MAN2A1: variants seen among roughly 807,000 people sequenced by gnomAD.
The protein encoded by MAN2A1 is alpha-mannosidase 2.
MAN2A1 carries 76 observed loss-of-function variants against 142.6 expected under a neutral mutation model. The ratio of observed to expected loss-of-function variants is 0.53; its 90% CI spans 0.44 to 0.65. MAN2A1 has a LOEUF of 0.65. Ranked by LOEUF, MAN2A1 falls within the 30% of genes least tolerant of loss-of-function variation. The pLI is 0.00. For synonymous variants in MAN2A1, 559 were observed against 473.2 expected (o/e 1.18, Z -2.35); for missense variants, 1,311 against 1,365.1 (o/e 0.96, Z 0.62).
intron 9 of MAN2A1, among the ~76,000 whole-genome samples, chr5:109,782,016 C>T (rs375988928): frequency 6.3e-4 from 96 of 152,206 alleles, no homozygotes; most frequent in African/African-American, 2.1e-3. Context: ...AGCAGCCAAA[C>T]GTGAGCTTCA....
intron 1 of MAN2A1, among the ~76,000 whole-genome samples, chr5:109,693,010 AC>A (rs1051783895): frequency 1.3e-5 from 2 of 151,994 alleles, no homozygotes; most frequent in African/African-American, 2.4e-5. Flanking sequence ...CTGCTATGCC[AC>A]TCACCTCCTG....
chr5:109,770,506 C>A lies in MAN2A1; in HGVS notation c.1161C>A (p.Pro387=). 1 of 1,613,828 alleles carries A rather than the reference C, an allele frequency of 6.2e-7. No individual in the cohort carries two copies. The highest frequency in any genetic ancestry group is 2.2e-5 in the East Asian group (1 of 44,846). The change falls in exon 7 of 22, where the codon CCC becomes CCA. Residue 387 remains proline, a synonymous_variant. Transcript: ENST00000261483. ...GGRFGCPWGV[P]PETIHPGNVQ... is the part of the protein sequence containing the mutation. ...GATTTGGTTGTCCCTGGGGAGTCCC[C>A]CCAGAAACAATACATCCTGGAAATG...
chr5:109,784,610 A>G, intron 9 of MAN2A1, 134 bp from the exon 10 acceptor site: 1 of 624,690 alleles, frequency 1.6e-6, no homozygotes, highest in Non-Finnish European at 2.7e-6. Flanking sequence ...AACTATTATT[A>G]CCAATATCTT....
At position 109,704,897 on chromosome 5, in the gene MAN2A1, C is replaced by T. The variant is rs73781628; in HGVS notation, c.136-8623C>T. On this transcript the variant is annotated intron_variant, in intron 1 of 21. Coordinates refer to ENST00000261483, the MANE Select transcript of MAN2A1 (RefSeq NM_002372.4). The stretch of plus-strand genomic sequence containing the variant: ...TTTTCTAGGTAATCCCATTTGTTCC[C>T]ATTGCTTGAAATTCATATTTATTCT... 2.0e-3 allele frequency among the ~76,000 whole-genome samples: 309 copies of T among 152,218 alleles called. 4 individuals carry two copies. Among genetic ancestry groups the T allele is most frequent in the African/African-American group, 7.2e-3 (301 of 41,538 alleles).
At chr5:109,742,619 A>T (rs1158716457) in intron 4 of MAN2A1, among the ~76,000 whole-genome samples, 1 of 152,154 alleles carries the variant, frequency 6.6e-6, no homozygotes, top group Non-Finnish European at 1.5e-5. Context: ...ATCTTCCTAA[A>T]CAGACTAATT....
intron 4 of MAN2A1, among the ~76,000 whole-genome samples, chr5:109,742,500 ATC>A (rs1200987421): frequency 2.6e-5 from 4 of 152,174 alleles, no homozygotes; most frequent in African/African-American, 9.6e-5. Context: ...CTTCTCAACT[ATC>A]TCTGCTTGCT....
intron 1 of MAN2A1, 62 bp from the exon 2 acceptor site, chr5:109,713,458 T>C (rs1219455675): frequency 1.4e-6 from 2 of 1,398,478 alleles, no homozygotes; most frequent in Non-Finnish European, 1.9e-6. Flanking sequence ...AAAAAAAATG[T>C]GTATGCCTCA....
rs552718750 is a variant in MAN2A1, at chr5:109,767,831, T to C, written c.1009+123T>C. 3.3e-5 allele frequency: 24 copies of C among 724,166 alleles called. No homozygotes were observed. In the African/African-American group the frequency reaches 3.7e-4, roughly 11 times the overall value. 44.9% of individuals were successfully genotyped at this position (724,166 alleles called of 1,614,324 possible). A position where few individuals can be genotyped will look rare whatever the true frequency, so the allele number is the denominator to read the frequency against. On this transcript the variant is annotated intron_variant, in intron 6 of 21. Coordinates refer to ENST00000261483, the MANE Select transcript of MAN2A1 (RefSeq NM_002372.4). Reference sequence around the variant, plus strand: ...CTTGAAAAATCAGGTGGCCTAAAGATAGTCACTCTCGTAATTATTTTTCCC... The same window carrying C: ...CTTGAAAAATCAGGTGGCCTAAAGACAGTCACTCTCGTAATTATTTTTCCC...
intron 4 of MAN2A1, among the ~76,000 whole-genome samples, chr5:109,729,996 GA>G (rs1280072503): frequency 6.6e-6 from 1 of 151,914 alleles, no homozygotes; most frequent in Non-Finnish European, 1.5e-5. Context: ...TGCCTTGGGG[GA>G]AAAAAATCCT....
At chr5:109,812,729 A>G (rs1404754580) in intron 12 of MAN2A1, among the ~76,000 whole-genome samples, 1 of 152,192 alleles carries the variant, frequency 6.6e-6, no homozygotes, top group Admixed American at 6.5e-5. Flanking sequence ...TATATAATTT[A>G]TATTTTCGAA....
chr5:109,791,909 CTAACA>C (rs886318866), intron 12 of MAN2A1, among the ~76,000 whole-genome samples: 14 of 152,018 alleles, frequency 9.2e-5, no homozygotes, highest in African/African-American at 3.4e-4. Context: ...AGCAATAAAC[CTAACA>C]TAACTTTGTA....
chr5:109,732,832 A>C (rs1045840322), intron 4 of MAN2A1, among the ~76,000 whole-genome samples: 6 of 151,480 alleles, frequency 4.0e-5, no homozygotes, highest in Admixed American at 2.6e-4. Context: ...CTTAGGATTG[A>C]CTTGGCGATG....
chr5:109,736,014 A>G (rs2112596373), intron 4 of MAN2A1, among the ~76,000 whole-genome samples: 1 of 151,104 alleles, frequency 6.6e-6, no homozygotes, highest in Non-Finnish European at 1.5e-5. Context: ...AGCCACATCC[A>G]CTCTAGGCAT....
chr5:109,805,242 A>T (rs1580270486), intron 12 of MAN2A1, among the ~76,000 whole-genome samples: 1 of 152,192 alleles, frequency 6.6e-6, no homozygotes, highest in Non-Finnish European at 1.5e-5. Flanking sequence ...TTTAATATCA[A>T]AAGTTTTAGA....
At chr5:109,821,133 GA>G (rs1754612101) in intron 15 of MAN2A1, among the ~76,000 whole-genome samples, 1 of 152,118 alleles carries the variant, frequency 6.6e-6, no homozygotes, top group African/African-American at 2.4e-5. Context: ...ACAATCCCAT[GA>G]AAACCATTGC....
At chr5:109,797,313 A>C in intron 12 of MAN2A1, among the ~76,000 whole-genome samples, 1 of 152,224 alleles carries the variant, frequency 6.6e-6, no homozygotes, top group Non-Finnish European at 1.5e-5. Flanking sequence ...AATCTCTGAG[A>C]AATATGAAAC....
chr5:109,706,763 A>G (rs529134591), intron 1 of MAN2A1, among the ~76,000 whole-genome samples: 1 of 152,230 alleles, frequency 6.6e-6, no homozygotes, highest in Admixed American at 6.5e-5. Flanking sequence ...AAAAAAAAAC[A>G]TAAATGAAAG....
chr5:109,817,735 A>G (rs1161617089), intron 13 of MAN2A1, among the ~76,000 whole-genome samples: 2 of 152,224 alleles, frequency 1.3e-5, no homozygotes, highest in Admixed American at 1.3e-4. Flanking sequence ...AAGGTAATGC[A>G]GTAATTATTA....
intron 4 of MAN2A1, among the ~76,000 whole-genome samples, chr5:109,735,376 A>G (rs1752059463): frequency 6.6e-6 from 1 of 152,190 alleles, no homozygotes; most frequent in Admixed American, 6.5e-5. Context: ...ATTTACATTT[A>G]AAGTTAATAT....
Sources: allele counts gnomAD v4.1 joint callset (sites outside exome capture counted in the v4.1 genomes callset), GRCh38; gene constraint gnomAD v4.1.1; transcripts MANE v1.5; gene names NCBI Gene and HGNC (gene_info 2026-07-23, HGNC 2026-07-21).